Variants in TRIM2 observed in about 807,000 individuals in gnomAD.
The protein encoded by TRIM2 is tripartite motif-containing protein 2.
In TRIM2, 20 loss-of-function variants were observed where a neutral mutation model predicts 75.2. The observed-to-expected ratio is 0.27, with a 90% CI of 0.19 to 0.39. The LOEUF (loss-of-function observed/expected upper bound fraction) is 0.39, where lower values mean the gene tolerates loss of function less well. Ranked by LOEUF, TRIM2 falls within the 10% of genes least tolerant of loss-of-function variation. TRIM2 has a pLI of 1.00. For missense variants in TRIM2, 660 were observed against 990.8 expected, an observed-to-expected ratio of 0.67 and a Z score of 4.48; for synonymous variants, 373 against 388.3, an observed-to-expected ratio of 0.96 and a Z score of 0.46.
At chr4:153,264,050 G>A (rs1310442962) in intron 1 of TRIM2, among the ~76,000 whole-genome samples, 1 of 152,182 alleles carries the variant, frequency 6.6e-6, no homozygotes, top group Non-Finnish European at 1.5e-5. Context: ...GAAAAACCTA[G>A]CAAGGACTGG....
chr4:153,337,367 C>T lies in TRIM2; in HGVS notation c.*2401C>T. 1 of 985,790 alleles carries T rather than the reference C, an allele frequency of 1.0e-6. No individual in the cohort carries two copies. Among genetic ancestry groups the T allele is most frequent in the Non-Finnish European group, 1.2e-6 (1 of 829,916 alleles). 61.1% of individuals were successfully genotyped at this position (985,790 alleles called of 1,614,324 possible). On this transcript the variant is annotated 3_prime_UTR_variant, in exon 12 of 12. Transcript: ENST00000338700. ...TCATATCCTATCAGGCTAGATATCTCAATAGTAGACTGAATACAAAGCTAA... is the reference window on the plus strand; with the variant it reads ...TCATATCCTATCAGGCTAGATATCTTAATAGTAGACTGAATACAAAGCTAA...
At chr4:153,156,520 A>C (rs1729245369) in intron 1 of TRIM2, among the ~76,000 whole-genome samples, 2 of 152,052 alleles carry the variant, frequency 1.3e-5, no homozygotes, top group South Asian at 4.1e-4. Context: ...GGTGATGTAG[A>C]TGGGGTGAGT....
At chr4:153,225,950 A>T (rs920563352) in intron 1 of TRIM2, among the ~76,000 whole-genome samples, 3 of 152,218 alleles carry the variant, frequency 2.0e-5, no homozygotes, top group African/African-American at 7.2e-5. Context: ...GGTTCACAGC[A>T]TCTTCCAACT....
intron 1 of TRIM2, among the ~76,000 whole-genome samples, chr4:153,189,568 C>T (rs1291310258): frequency 1.3e-5 from 2 of 152,088 alleles, no homozygotes; most frequent in African/African-American, 4.8e-5. Context: ...TGCCTAATAT[C>T]CCCTGTCCAC....
intron 8 of TRIM2, 115 bp from the exon 9 acceptor site, chr4:153,322,533 A>C (rs1427121567): frequency 1.8e-6 from 2 of 1,135,802 alleles, no homozygotes; most frequent in African/African-American, 3.1e-5. Flanking sequence ...GTAGCTGTGT[A>C]CCCGTTTGAA....
chr4:153,178,019 C>G (rs1731649927), intron 1 of TRIM2, among the ~76,000 whole-genome samples: 2 of 152,108 alleles, frequency 1.3e-5, no homozygotes, highest in Non-Finnish European at 2.9e-5. Context: ...CCAGACCACT[C>G]CCAAACTCCT....
At chr4:153,250,190 G>A (rs4696179) in intron 1 of TRIM2, among the ~76,000 whole-genome samples, 47,425 of 151,578 alleles carry the variant, frequency 0.31, 7,741 homozygotes, top group African/African-American at 0.39. Context: ...CCCCATCTCA[G>A]CTTACTACAA....
chr4:153,232,957 G>A (rs576435845), intron 1 of TRIM2, among the ~76,000 whole-genome samples: 4 of 152,150 alleles, frequency 2.6e-5, no homozygotes, highest in African/African-American at 4.8e-5. Context: ...GCCGGGTGGA[G>A]CTGTCCCCTG....
intron 1 of TRIM2, among the ~76,000 whole-genome samples, chr4:153,219,392 G>A (rs1739365818): frequency 6.6e-6 from 1 of 152,074 alleles, no homozygotes; most frequent in African/African-American, 2.4e-5. Context: ...TATCTGTGAA[G>A]CCCTACCTTC....
upstream of TRIM2, chr4:153,152,713 T>C (rs1459165577): frequency 6.6e-6 from 1 of 152,034 alleles, no homozygotes; most frequent in African/African-American, 2.4e-5. Context: ...ACGCTTTGCA[T>C]GGTGCGCAGA....
At chr4:153,205,163 G>A (rs1298824365) in intron 1 of TRIM2, among the ~76,000 whole-genome samples, 1 of 152,158 alleles carries the variant, frequency 6.6e-6, no homozygotes, top group Non-Finnish European at 1.5e-5. Context: ...ATAGCCCCAG[G>A]TGAATAGAGC....
intron 1 of TRIM2, among the ~76,000 whole-genome samples, chr4:153,246,639 G>A (rs1343265534): frequency 6.6e-6 from 1 of 152,204 alleles, no homozygotes; most frequent in East Asian, 1.9e-4. Flanking sequence ...GTTGAATGAA[G>A]TGGATAGGGA....
chr4:153,233,732 T>G (rs1349664818), intron 1 of TRIM2, among the ~76,000 whole-genome samples: 1 of 152,170 alleles, frequency 6.6e-6, no homozygotes, highest in African/African-American at 2.4e-5. Flanking sequence ...ACATTTCCTC[T>G]CTTCCTATGA....
At chr4:153,173,191 G>T (rs776853273) in intron 1 of TRIM2, among the ~76,000 whole-genome samples, 1 of 152,112 alleles carries the variant, frequency 6.6e-6, no homozygotes, top group African/African-American at 2.4e-5. Flanking sequence ...TGCTGGAAGG[G>T]CCCAGAAGGC....
chr4:153,219,259 G>A (rs1458430988), intron 1 of TRIM2, among the ~76,000 whole-genome samples: 1 of 152,062 alleles, frequency 6.6e-6, no homozygotes, highest in Non-Finnish European at 1.5e-5. Context: ...AGACCCAACT[G>A]TTGAGGAGTG....
At chr4:153,181,924 A>G (rs62323671) in intron 1 of TRIM2, among the ~76,000 whole-genome samples, 35,762 of 151,990 alleles carry the variant, frequency 0.24, 4,798 homozygotes, top group African/African-American at 0.36. Context: ...TGGCAATGGA[A>G]CACTTTGCTT....
chr4:153,236,609 T>C (rs143047371), intron 1 of TRIM2, among the ~76,000 whole-genome samples: 5 of 152,326 alleles, frequency 3.3e-5, no homozygotes, highest in Non-Finnish European at 7.4e-5. Flanking sequence ...GCAGTTTCTT[T>C]ACATACTTGT....
At chr4:153,313,435 A>G (rs566152726) in intron 6 of TRIM2, among the ~76,000 whole-genome samples, 17 of 152,090 alleles carry the variant, frequency 1.1e-4, no homozygotes, top group African/African-American at 4.1e-4. Flanking sequence ...CTGCCCAGCA[A>G]TTTTGTTGTT....
At chr4:153,254,146 T>C (rs1751509477) in intron 1 of TRIM2, among the ~76,000 whole-genome samples, 1 of 152,274 alleles carries the variant, frequency 6.6e-6, no homozygotes, top group South Asian at 2.1e-4. Flanking sequence ...TTACTTTGTA[T>C]GCCATCCTAA....
Sources: gnomAD v4.1 joint callset for allele counts (sites outside exome capture counted in the v4.1 genomes callset) on GRCh38, gnomAD v4.1.1 for gene constraint, MANE v1.5 for transcripts, NCBI Gene and HGNC (gene_info 2026-07-23, HGNC 2026-07-21) for gene names.